The following COA1 variants were observed in gnomAD, a reference collection of about 807,000 sequenced individuals.
COA1 encodes cytochrome c oxidase assembly factor 1, also known as cytochrome c oxidase assembly factor 1 homolog.
In COA1, 13 loss-of-function variants were observed where a neutral mutation model predicts 16.0. The ratio of observed to expected loss-of-function variants is 0.81; its 90% confidence interval spans 0.53 to 1.29. The LOEUF (loss-of-function observed/expected upper bound fraction) is 1.29, where lower values mean the gene tolerates loss of function less well. Among genes scored for constraint, COA1 ranks in the 50% most tolerant of loss-of-function variants. COA1 has a pLI of 0.00. For missense variants in COA1, 179 were observed against 177.0 expected (o/e 1.01, Z -0.06); for synonymous variants, 65 against 65.7 (o/e 0.99, Z 0.05).
In COA1 at chr7:43,707,223, G is replaced by A. The variant is rs907838755; in HGVS notation, c.-39+22206C>T. On this transcript the variant is annotated intron_variant, in intron 1 of 5. Transcript: ENST00000223336. ...AAAACTGTCTCTAGTAATCTTTAAA[G>A]AGTTCAGTCAAATTAATAAATACAA... Among the ~76,000 whole-genome samples the A allele has an allele frequency of 2.6e-5, 4 of 152,162 alleles. No homozygotes were observed. The South Asian group carries it at 8.3e-4, about 32-fold the overall frequency.
At chr7:43,683,408 GGATCACGAGGTCAGGA>G (rs2093862581) in intron 1 of COA1, among the ~76,000 whole-genome samples, 1 of 152,070 alleles carries the variant, frequency 6.6e-6, no homozygotes, top group Non-Finnish European at 1.5e-5. Flanking sequence ...CGAGGCAGGT[GGATCACGAGGTCAGGA>G]GATCAAGACC....
chr7:43,682,843 T>G (rs985098273), intron 1 of COA1, among the ~76,000 whole-genome samples: 2 of 152,122 alleles, frequency 1.3e-5, no homozygotes, highest in Non-Finnish European at 2.9e-5. Context: ...GTTTGTTTTT[T>G]GGGGTTTTTT....
At chr7:43,615,508 A>G (rs1321314743) in intron 6 of COA1, among the ~76,000 whole-genome samples, 1 of 152,170 alleles carries the variant, frequency 6.6e-6, no homozygotes, top group African/African-American at 2.4e-5. Context: ...TTATTAACAT[A>G]CGAAAACTAA....
At chr7:43,704,905 C>T (rs183867621) in intron 1 of COA1, among the ~76,000 whole-genome samples, 249 of 152,320 alleles carry the variant, frequency 1.6e-3, no homozygotes, top group African/African-American at 5.8e-3. Flanking sequence ...AGAGTTCTTG[C>T]ACTGGTTCTT....
intron 4 of COA1, among the ~76,000 whole-genome samples, chr7:43,644,795 G>C (rs10244096): frequency 0.26 from 27,899 of 105,534 alleles, 4,565 homozygotes; most frequent in South Asian, 0.38. Flanking sequence ...GGCAGGCAGA[G>C]AGACAGAGAG....
At chr7:43,711,696 G>A (rs779386704) in intron 1 of COA1, among the ~76,000 whole-genome samples, 3 of 152,190 alleles carry the variant, frequency 2.0e-5, no homozygotes, top group Non-Finnish European at 4.4e-5. Context: ...TGTATGGTAT[G>A]GCCTACTGCT....
At chr7:43,656,914 G>A (rs932658177) in intron 1 of COA1, among the ~76,000 whole-genome samples, 6 of 152,148 alleles carry the variant, frequency 3.9e-5, no homozygotes, top group Non-Finnish European at 8.8e-5. Context: ...AGCAGTCAAG[G>A]CCGGTTGCGG....
chr7:43,728,164 C>T (rs1413924876), intron 1 of COA1, among the ~76,000 whole-genome samples: 1 of 151,974 alleles, frequency 6.6e-6, no homozygotes, highest in South Asian at 2.1e-4. Context: ...TTAGTGGAGA[C>T]GGGGTTTCAC....
chr7:43,668,133 C>T (rs775063488), intron 1 of COA1, among the ~76,000 whole-genome samples: 1 of 152,168 alleles, frequency 6.6e-6, no homozygotes, highest in African/African-American at 2.4e-5. Context: ...CCAATAAAAG[C>T]CCCTTGGGGA....
chr7:43,663,666 C>CAAAAAA (rs759423078), intron 1 of COA1, among the ~76,000 whole-genome samples: 2 of 70,626 alleles, frequency 2.8e-5, no homozygotes, highest in African/African-American at 6.4e-5. Context: ...GACCCTATCT[C>CAAAAAA]AAAAAAAAAA....
In COA1 at chr7:43,648,622, C is replaced by G. The variant is rs773424570; in HGVS notation, c.-8G>C. The G allele has an allele frequency of 2.0e-5, 33 of 1,612,892 alleles. 1 individual carries two copies. In the South Asian group the frequency reaches 3.4e-4, roughly 17 times the overall value. On this transcript the variant is annotated 5_prime_UTR_variant, in exon 2 of 6. Coordinates refer to ENST00000223336, the MANE Select transcript of COA1 (RefSeq NM_018224.4). ...TACCTTTTGCCACATCATAGCACAACTCTCTTGAAAATCATCAAAGGCAAG... is the reference window on the plus strand; with the variant it reads ...TACCTTTTGCCACATCATAGCACAAGTCTCTTGAAAATCATCAAAGGCAAG...
Position 43,647,620 on chromosome 7 carries a change from C to T in COA1, c.30G>A (p.Arg10=). 1 of 1,612,110 alleles carries T rather than the reference C, an allele frequency of 6.2e-7. No homozygotes were observed. Among genetic ancestry groups the T allele is most frequent in the African/African-American group, 1.3e-5 (1 of 74,966 alleles). The change falls in exon 3 of 6, where the codon AGG becomes AGA. Residue 10 remains arginine (R), a synonymous_variant. Transcript: ENST00000223336. MMWQKYAGS[R]RSMPLGARIL... ...TCCTTGCTCCCAGAGGCATTGACCG[C>T]CTGCTTCCTGCATACTTAAAAACAA... is the stretch of plus-strand genomic sequence containing the variant.
intron 6 of COA1, among the ~76,000 whole-genome samples, chr7:43,614,366 A>C (rs531809786): frequency 5.3e-5 from 8 of 152,300 alleles, no homozygotes; most frequent in Non-Finnish European, 1.2e-4. Context: ...CATATATTTT[A>C]AATAGAACTA....
chr7:43,706,393 C>A (rs1420380533), intron 1 of COA1, among the ~76,000 whole-genome samples: 1 of 151,332 alleles, frequency 6.6e-6, no homozygotes, highest in Non-Finnish European at 1.5e-5. Flanking sequence ...TAAATAAATA[C>A]AAAAATTAAC....
chr7:43,627,268 C>G (rs752802714), intron 6 of COA1, among the ~76,000 whole-genome samples: 3 of 152,126 alleles, frequency 2.0e-5, no homozygotes, highest in Non-Finnish European at 4.4e-5. Context: ...TAATTAATAC[C>G]TTTCTCTAGT....
chr7:43,655,040 C>T (rs995962437), intron 1 of COA1, among the ~76,000 whole-genome samples: 4 of 152,130 alleles, frequency 2.6e-5, no homozygotes, highest in Non-Finnish European at 5.9e-5. Flanking sequence ...GAAAAAAAAT[C>T]CAAATTCCTT....
chr7:43,675,887 T>C (rs2129918957), intron 1 of COA1, among the ~76,000 whole-genome samples: 1 of 152,270 alleles, frequency 6.6e-6, no homozygotes, highest in South Asian at 2.1e-4. Context: ...AGCCAGATGT[T>C]AATCAATGGC....
chr7:43,688,876 A>G (rs2094152815), intron 1 of COA1, among the ~76,000 whole-genome samples: 1 of 152,232 alleles, frequency 6.6e-6, no homozygotes, highest in African/African-American at 2.4e-5. Flanking sequence ...ACTAATCTTA[A>G]TATAGTGATA....
At chr7:43,666,414 C>T (rs1039333040) in intron 1 of COA1, among the ~76,000 whole-genome samples, 22 of 152,144 alleles carry the variant, frequency 1.4e-4, no homozygotes, top group African/African-American at 5.3e-4. Flanking sequence ...ACCCTAAAGC[C>T]AGTAACCCTA....
Sources: allele counts gnomAD v4.1 joint callset (sites outside exome capture counted in the v4.1 genomes callset), GRCh38; gene constraint gnomAD v4.1.1; transcripts MANE v1.5; gene names NCBI Gene and HGNC (gene_info 2026-07-23, HGNC 2026-07-21).